The following DOCK2 variants were observed in gnomAD, a reference collection of about 807,000 sequenced individuals.
The protein encoded by DOCK2 is dedicator of cytokinesis 2.
Under a neutral mutation model 248.9 loss-of-function variants are expected in DOCK2, and 87 were observed. That is an observed-to-expected ratio of 0.35 (90% CI 0.29 to 0.42). The LOEUF is 0.42. Ranked by LOEUF, DOCK2 falls within the 10% of genes least tolerant of loss-of-function variation. The probability of loss-of-function intolerance (pLI) is 1.00; values close to 1 mark genes in which losing one functional copy is unlikely to be tolerated. For synonymous variants in DOCK2, 805 were observed against 821.6 expected, an observed-to-expected ratio of 0.98 and a Z score of 0.35; for missense variants, 1,747 against 2,300.2, an observed-to-expected ratio of 0.76 and a Z score of 4.92.
chr5:170,004,645 T>G (rs1204804544), intron 30 of DOCK2, among the ~76,000 whole-genome samples: 35 of 148,458 alleles, frequency 2.4e-4, no homozygotes, highest in African/African-American at 8.5e-4. Flanking sequence ...TTATTCACAA[T>G]AGCAAAGACT....
chr5:169,712,463 C>A (rs913238946), intron 17 of DOCK2, among the ~76,000 whole-genome samples: 1 of 152,126 alleles, frequency 6.6e-6, no homozygotes, highest in Admixed American at 6.5e-5. Context: ...ATGATGAGTA[C>A]ATGGAAGAAC....
At chr5:169,760,711 G>T (rs1250780674) in intron 24 of DOCK2, among the ~76,000 whole-genome samples, 1 of 152,142 alleles carries the variant, frequency 6.6e-6, no homozygotes, top group Non-Finnish European at 1.5e-5. Flanking sequence ...ATACATCGCT[G>T]TGTATTGATT....
chr5:169,741,806 T>A (rs1435650211), intron 22 of DOCK2, among the ~76,000 whole-genome samples: 2 of 30,750 alleles, frequency 6.5e-5, no homozygotes, highest in Non-Finnish European at 2.0e-4. Context: ...TTTTACTATT[T>A]TTTTTTTTTT....
intron 13 of DOCK2, among the ~76,000 whole-genome samples, chr5:169,701,055 T>C (rs1760942413): frequency 6.6e-6 from 1 of 152,168 alleles, no homozygotes; most frequent in South Asian, 2.1e-4. Flanking sequence ...TAACAATCAG[T>C]CACTTTTCTA....
At chr5:169,708,523 G>A (rs1004099613) in intron 15 of DOCK2, among the ~76,000 whole-genome samples, 3 of 151,636 alleles carry the variant, frequency 2.0e-5, no homozygotes, top group Admixed American at 6.6e-5. Context: ...GCTCATCCCC[G>A]CAAGCTGAGG....
intron 27 of DOCK2, among the ~76,000 whole-genome samples, chr5:169,930,667 T>C (rs2113680836): frequency 6.6e-6 from 1 of 152,334 alleles, no homozygotes; most frequent in South Asian, 2.1e-4. Context: ...CAATTAAGTT[T>C]TGTAATTTTA....
chr5:169,713,984 G>T lies in DOCK2; in HGVS notation c.1660-44G>T, dbSNP rs1411629938. Reference sequence around the variant, plus strand: ...TGCTGCAGGCTCTGTGTGGCATTGGGCATGGAGCCTTGGCTTGGGGCAGTA... The same window carrying T: ...TGCTGCAGGCTCTGTGTGGCATTGGTCATGGAGCCTTGGCTTGGGGCAGTA... On this transcript the variant is annotated intron_variant, in intron 17 of 51. Transcript: ENST00000520908. 3 of 1,545,492 alleles carry T rather than the reference G, an allele frequency of 1.9e-6. No individual in the cohort carries two copies. In the South Asian group the frequency reaches 3.7e-5, roughly 19 times the overall value.
intron 25 of DOCK2, among the ~76,000 whole-genome samples, chr5:169,786,423 T>C (rs764270983): frequency 2.6e-5 from 4 of 152,178 alleles, no homozygotes; most frequent in Non-Finnish European, 5.9e-5. Context: ...AGCCAGCTTG[T>C]TGACTGGCGT....
chr5:169,943,804 G>C (rs1776337294), intron 27 of DOCK2, among the ~76,000 whole-genome samples: 1 of 152,184 alleles, frequency 6.6e-6, no homozygotes, highest in Admixed American at 6.5e-5. Context: ...CTGTGTTTTA[G>C]CCAGCCCCCA....
At chr5:169,708,091 C>A in intron 14 of DOCK2, 78 bp from the exon 15 acceptor site, 1 of 1,498,904 alleles carries the variant, frequency 6.7e-7, no homozygotes, top group Non-Finnish European at 9.1e-7. Flanking sequence ...CTGGTCGTGG[C>A]CTAGGGACCA....
chr5:169,932,572 C>A (rs924565119), intron 27 of DOCK2, among the ~76,000 whole-genome samples: 2 of 152,090 alleles, frequency 1.3e-5, no homozygotes, highest in Non-Finnish European at 1.5e-5. Flanking sequence ...GTTTTTTAGA[C>A]CTGGGACGCT....
intron 32 of DOCK2, among the ~76,000 whole-genome samples, chr5:170,011,339 C>CATGT (rs1755284574): frequency 6.6e-6 from 1 of 152,158 alleles, no homozygotes; most frequent in African/African-American, 2.4e-5. Context: ...TGTACAAGAT[C>CATGT]ATGTAGTGGG....
intron 15 of DOCK2, among the ~76,000 whole-genome samples, chr5:169,711,093 G>T (rs548315601): frequency 1.6e-4 from 24 of 152,334 alleles, no homozygotes; most frequent in African/African-American, 4.8e-4. Flanking sequence ...AGACAGGATG[G>T]TGGACCTCCT....
chr5:170,005,503 C>T (rs1430797641), intron 30 of DOCK2, among the ~76,000 whole-genome samples: 1 of 152,038 alleles, frequency 6.6e-6, no homozygotes, highest in Non-Finnish European at 1.5e-5. Flanking sequence ...ACTGAGTGCT[C>T]GGTGTGTGCC....
intron 29 of DOCK2, among the ~76,000 whole-genome samples, chr5:169,992,245 G>A (rs372776540): frequency 3.3e-5 from 5 of 152,222 alleles, no homozygotes; most frequent in Admixed American, 2.0e-4. Flanking sequence ...TCCATGCAAA[G>A]CCCTAGCATG....
Position 169,637,311 on chromosome 5 carries a change from A to G in DOCK2, c.-16A>G. On this transcript the variant is annotated 5_prime_UTR_variant, in exon 1 of 52. Coordinates refer to ENST00000520908, the MANE Select transcript of DOCK2 (RefSeq NM_004946.3). ...GACGGCTTCCCCACGGGAGGACGCG[A>G]GGCCCCGGCCCAGCCATGGCCCCCT... The G allele has an allele frequency of 1.4e-6, 2 of 1,428,070 alleles. No individual in the cohort carries two copies. The highest frequency in any genetic ancestry group is 9.1e-7 in the Non-Finnish European group (1 of 1,093,446). 88.5% of individuals were successfully genotyped at this position (1,428,070 alleles called of 1,614,324 possible).
intron 27 of DOCK2, among the ~76,000 whole-genome samples, chr5:169,927,762 G>A (rs546164488): frequency 7.2e-5 from 11 of 152,230 alleles, no homozygotes; most frequent in South Asian, 4.2e-4. Flanking sequence ...GACTACAGGC[G>A]CCCGCCACCA....
chr5:170,066,378 C>G (rs1044651894), intron 44 of DOCK2, among the ~76,000 whole-genome samples: 2 of 152,078 alleles, frequency 1.3e-5, no homozygotes, highest in African/African-American at 4.8e-5. Flanking sequence ...CACATATACA[C>G]CCAATGTTGG....
chr5:169,951,861 C>A (rs1195001504), intron 27 of DOCK2, among the ~76,000 whole-genome samples: 1 of 152,110 alleles, frequency 6.6e-6, no homozygotes, highest in Non-Finnish European at 1.5e-5. Flanking sequence ...GAAACTTGCC[C>A]AAGATCACAC....
Sources: gnomAD v4.1 joint callset for allele counts (sites outside exome capture counted in the v4.1 genomes callset) on GRCh38, gnomAD v4.1.1 for gene constraint, MANE v1.5 for transcripts, NCBI Gene and HGNC (gene_info 2026-07-23, HGNC 2026-07-21) for gene names.